ATP8A1: variants seen among roughly 807,000 people sequenced by gnomAD.
The protein encoded by ATP8A1 is ATPase phospholipid transporting 8A1.
ATP8A1 carries 90 observed loss-of-function variants against 177.7 expected under a neutral mutation model. The observed-to-expected ratio is 0.51, with a 90% CI of 0.43 to 0.60. The LOEUF (loss-of-function observed/expected upper bound fraction) is 0.60. ATP8A1 is among the 20% of genes least tolerant of loss of function. The pLI is 0.00. For missense variants in ATP8A1, 1,072 were observed against 1,392.8 expected (o/e 0.77, Z 3.67); for synonymous variants, 493 against 485.9 (o/e 1.01, Z -0.19).
intron 5 of ATP8A1, among the ~76,000 whole-genome samples, chr4:42,608,237 T>C (rs561206999): frequency 6.6e-6 from 1 of 150,628 alleles, no homozygotes; most frequent in Admixed American, 6.7e-5. Flanking sequence ...GGTGCTGACT[T>C]ACACTCTAAC....
intron 1 of ATP8A1, among the ~76,000 whole-genome samples, chr4:42,636,030 A>C (rs554038851): frequency 6.6e-6 from 1 of 151,144 alleles, no homozygotes; most frequent in Admixed American, 6.6e-5. Flanking sequence ...CTTACTTTTA[A>C]GTCAAAGAGG....
At chr4:42,576,427 G>C (rs1216365709) in intron 12 of ATP8A1, among the ~76,000 whole-genome samples, 1 of 116,964 alleles carries the variant, frequency 8.5e-6, no homozygotes, top group African/African-American at 3.3e-5. Context: ...AGTGAGCCTA[G>C]ATCGCGCCAC....
Position 42,412,881 on chromosome 4 carries a change from A to T in ATP8A1, c.*35T>A, listed in dbSNP as rs1484154591. On this transcript the variant is annotated 3_prime_UTR_variant, in exon 37 of 37. Transcript: ENST00000381668. ...GTGACAACCTGGTAGCTCTCCTTAGAGAGGTAACAGAGCCTGCCTTTCAGG... is the reference window on the plus strand; with the variant it reads ...GTGACAACCTGGTAGCTCTCCTTAGTGAGGTAACAGAGCCTGCCTTTCAGG... The T allele has an allele frequency of 6.3e-7, 1 of 1,585,004 alleles. No homozygotes were observed. Among genetic ancestry groups the T allele is most frequent in the South Asian group, 1.1e-5 (1 of 90,298 alleles).
intron 15 of ATP8A1, among the ~76,000 whole-genome samples, chr4:42,563,858 G>C (rs1731088045): frequency 6.6e-6 from 1 of 152,200 alleles, no homozygotes; most frequent in African/African-American, 2.4e-5. Flanking sequence ...ATTTTGGGAA[G>C]CCATGGCAGG....
At chr4:42,650,924 T>C (rs1267171519) in intron 1 of ATP8A1, among the ~76,000 whole-genome samples, 1 of 152,206 alleles carries the variant, frequency 6.6e-6, no homozygotes, top group Non-Finnish European at 1.5e-5. Flanking sequence ...ATAGTTTGGC[T>C]GTGTCCCCAC....
At chr4:42,575,936 T>C (rs182673690) in intron 12 of ATP8A1, among the ~76,000 whole-genome samples, 1 of 152,326 alleles carries the variant, frequency 6.6e-6, no homozygotes, top group East Asian at 1.9e-4. Flanking sequence ...AGAGCCTGTC[T>C]ATGAATCATG....
At chr4:42,612,564 T>C (rs756822769) in intron 5 of ATP8A1, among the ~76,000 whole-genome samples, 7 of 151,572 alleles carry the variant, frequency 4.6e-5, no homozygotes, top group South Asian at 2.1e-4. Context: ...GTCTTCTCTC[T>C]GCAGCTAGGT....
chr4:42,608,751 T>C (rs1003411695), intron 5 of ATP8A1, among the ~76,000 whole-genome samples: 1 of 152,212 alleles, frequency 6.6e-6, no homozygotes, highest in Non-Finnish European at 1.5e-5. Flanking sequence ...ACAGAAAATG[T>C]AGTGTGCTCC....
chr4:42,564,264 A>G (rs113703080), intron 15 of ATP8A1, among the ~76,000 whole-genome samples: 2 of 152,154 alleles, frequency 1.3e-5, no homozygotes, highest in African/African-American at 2.4e-5. Context: ...GCCCCCCCCA[A>G]CAGAGTCCCT....
chr4:42,480,720 G>A (rs1037523355), intron 25 of ATP8A1, among the ~76,000 whole-genome samples: 1 of 152,162 alleles, frequency 6.6e-6, no homozygotes, highest in African/African-American at 2.4e-5. Flanking sequence ...CCCTTGATAG[G>A]AGTAAGGTGA....
At chr4:42,457,156 T>G (rs941182814) in intron 27 of ATP8A1, among the ~76,000 whole-genome samples, 2 of 152,158 alleles carry the variant, frequency 1.3e-5, no homozygotes, top group African/African-American at 4.8e-5. Context: ...TTATGGAAAA[T>G]TTTTGATAAT....
At chr4:42,529,800 G>A (rs987716544) in intron 20 of ATP8A1, among the ~76,000 whole-genome samples, 2 of 152,184 alleles carry the variant, frequency 1.3e-5, no homozygotes, top group African/African-American at 2.4e-5. Context: ...CTTCCCGGTG[G>A]GCAGCACTTC....
At chr4:42,624,691 G>A in intron 3 of ATP8A1, 57 bp from the exon 4 acceptor site, 1 of 989,652 alleles carries the variant, frequency 1.0e-6, no homozygotes, top group South Asian at 2.5e-5. Context: ...ATTTATAATA[G>A]ATTCAAGAAA....
intron 25 of ATP8A1, among the ~76,000 whole-genome samples, chr4:42,484,940 C>T (rs927713677): frequency 6.6e-6 from 1 of 152,104 alleles, no homozygotes; most frequent in Non-Finnish European, 1.5e-5. Context: ...GATTCCTTGA[C>T]AAGAAACTCA....
At chr4:42,638,574 G>A (rs1739621056) in intron 1 of ATP8A1, among the ~76,000 whole-genome samples, 2 of 152,176 alleles carry the variant, frequency 1.3e-5, no homozygotes. Context: ...ATGCTGAATT[G>A]CTTGGAAATA....
At chr4:42,503,567 A>C in intron 23 of ATP8A1, 53 bp from the exon 24 acceptor site, 1 of 1,205,222 alleles carries the variant, frequency 8.3e-7, no homozygotes, top group Non-Finnish European at 1.2e-6. Flanking sequence ...GAATATGTAA[A>C]GATGTTAAAA....
At chr4:42,564,367 G>A (rs530403176) in intron 15 of ATP8A1, among the ~76,000 whole-genome samples, 9 of 152,278 alleles carry the variant, frequency 5.9e-5, no homozygotes, top group South Asian at 4.1e-4. Context: ...TGGAAAAGCC[G>A]CAGACACTCA....
At chr4:42,437,848 T>C (rs1405999700) in intron 33 of ATP8A1, among the ~76,000 whole-genome samples, 2 of 152,098 alleles carry the variant, frequency 1.3e-5, no homozygotes, top group African/African-American at 4.8e-5. Flanking sequence ...CTCTGAGATA[T>C]TTGAGGAATA....
intron 25 of ATP8A1, among the ~76,000 whole-genome samples, chr4:42,473,123 G>A (rs1560364366): frequency 6.6e-6 from 1 of 152,202 alleles, no homozygotes; most frequent in African/African-American, 2.4e-5. Flanking sequence ...GGAAAAGAGT[G>A]TAGAGTTGGG....
Sources: allele counts gnomAD v4.1 joint callset (sites outside exome capture counted in the v4.1 genomes callset), GRCh38; gene constraint gnomAD v4.1.1; transcripts MANE v1.5; gene names NCBI Gene and HGNC (gene_info 2026-07-23, HGNC 2026-07-21).